Variants in YY1AP1 observed in about 807,000 individuals in gnomAD.
YY1AP1 encodes YY1-associated protein 1.
Under a neutral mutation model 39.9 loss-of-function variants are expected in YY1AP1, and 43 were observed. The observed-to-expected ratio is 1.08, with a 90% confidence interval of 0.84 to 1.39. The LOEUF is 1.39. Among genes scored for constraint, YY1AP1 ranks in the 40% most tolerant of loss-of-function variants. YY1AP1 has a pLI of 0.00. For missense variants in YY1AP1, 813 were observed against 900.7 expected (o/e 0.90, Z 1.25); for synonymous variants, 292 against 331.3 (o/e 0.88, Z 1.29).
In YY1AP1 at chr1:155,668,731, T is replaced by C; in HGVS notation, c.775A>G (p.Asn259Asp). Residue 259 changes from asparagine (N) to aspartate (D), a missense_variant, in exon 9 of 11, where the codon AAC (asparagine) becomes GAC (aspartate). Around this residue, in one of 3 missense-constraint regions of YY1AP1, gnomAD observed 586 missense variants for 647.4 expected, o/e 0.91. Transcript: ENST00000355499. ...AGAAGGTACTTGCTGATTAGAGGGT[T>C]AAGAAACTCAGTCCCTTCAAAATGC... is the stretch of plus-strand genomic sequence containing the variant. ...LKHFEGTEFL[N>D]PLISKYLLTC... The C allele has an allele frequency of 6.2e-7, 1 of 1,614,176 alleles. No homozygotes were observed. Among genetic ancestry groups the C allele is most frequent in the African/African-American group, 1.3e-5 (1 of 75,056 alleles).
In YY1AP1 at chr1:155,661,364, T is replaced by C. The variant is rs1343989647; in HGVS notation, c.939A>G (p.Pro313=). 6.2e-7 allele frequency: 1 copy of C among 1,613,884 alleles called. No individual in the cohort carries two copies. The highest frequency in any genetic ancestry group is 1.7e-5 in the Admixed American group (1 of 60,002). Residue 313 remains proline, a synonymous_variant, in exon 10 of 11, where the codon CCA becomes CCG. Coordinates refer to ENST00000355499, the MANE Select transcript of YY1AP1 (RefSeq NM_139119.3). ...VLGKCCEEIQ[P]HQWKPPIERE... Reference sequence around the variant, plus strand: ...TCTCTATAGGTGGCTTCCACTGATGTGGCTGGATCTCTTCACAGCATTTTC... The same window carrying C: ...TCTCTATAGGTGGCTTCCACTGATGCGGCTGGATCTCTTCACAGCATTTTC...
At chr1:155,673,217 T>C (rs920356821) in intron 6 of YY1AP1, among the ~76,000 whole-genome samples, 1 of 152,092 alleles carries the variant, frequency 6.6e-6, no homozygotes, top group Non-Finnish European at 1.5e-5. Context: ...CGTTTTCCCA[T>C]CTTGGCCAGG....
At chr1:155,665,784 CAAA>C (rs58155011) in intron 9 of YY1AP1, among the ~76,000 whole-genome samples, 2 of 35,050 alleles carry the variant, frequency 5.7e-5, no homozygotes, top group African/African-American at 8.0e-5. Context: ...CTCTGTGTCT[CAAA>C]AAAAAAAAAA....
chr1:155,682,230 T>C (rs185764086), intron 2 of YY1AP1, among the ~76,000 whole-genome samples: 99 of 152,284 alleles, frequency 6.5e-4, no homozygotes, highest in African/African-American at 2.3e-3. Flanking sequence ...AATCTTTGGC[T>C]ATCTCATTTT....
At chr1:155,667,018 A>G (rs1342369538) in intron 9 of YY1AP1, among the ~76,000 whole-genome samples, 1 of 151,912 alleles carries the variant, frequency 6.6e-6, no homozygotes, top group Non-Finnish European at 1.5e-5. Flanking sequence ...AAAATAAAAT[A>G]AATAAATAAA....
Position 155,688,732 on chromosome 1 carries a change from C to T in YY1AP1, c.-225G>A. On this transcript the variant is annotated 5_prime_UTR_variant, in exon 1 of 11. The change creates a new upstream start codon in the 5' untranslated region. Coordinates refer to ENST00000355499, the MANE Select transcript of YY1AP1 (RefSeq NM_139119.3). The stretch of plus-strand genomic sequence containing the variant: ...CCCTCCCTCCCCGCCCGCACGGCCA[C>T]CAACCGCCGCCAAAGCAGCCGCCGC... 6.6e-7 allele frequency: 1 copy of T among 1,518,330 alleles called. No individual in the cohort carries two copies. The highest frequency in any genetic ancestry group is 1.2e-5 in the South Asian group (1 of 81,816). The allele number at this position is 1,518,330 out of a possible 1,614,324, so 94.1% of individuals were successfully genotyped here.
chr1:155,682,398 AAT>A (rs1299036984), intron 2 of YY1AP1, among the ~76,000 whole-genome samples: 2 of 152,212 alleles, frequency 1.3e-5, no homozygotes, highest in Non-Finnish European at 2.9e-5. Context: ...GAAGATAAAA[AAT>A]AGACATTTTT....
chr1:155,668,551 T>C (rs1012090099), intron 9 of YY1AP1, 76 bp downstream of exon 9: 2 of 1,609,766 alleles, frequency 1.2e-6, no homozygotes, highest in Admixed American at 1.7e-5. Flanking sequence ...GTTCTTCTTT[T>C]CTTTGAGAAT....
chr1:155,664,648 C>A lies in YY1AP1; in HGVS notation c.880-3225G>T, dbSNP rs549279215. Among the ~76,000 whole-genome samples the A allele has an allele frequency of 4.0e-5, 6 of 151,798 alleles. No homozygotes were observed. The East Asian group carries it at 1.2e-3, about 29-fold the overall frequency. On this transcript the variant is annotated intron_variant, in intron 9 of 10. Transcript: ENST00000355499. Reference sequence around the variant, plus strand: ...GCTGAGGCAGGAGAATCGCTTGAACCCAGGAGGCAGAGGCTGCAGTGAGCA... The same window carrying A: ...GCTGAGGCAGGAGAATCGCTTGAACACAGGAGGCAGAGGCTGCAGTGAGCA...
At chr1:155,678,978 A>C (rs565418570) in intron 4 of YY1AP1, among the ~76,000 whole-genome samples, 104 of 152,316 alleles carry the variant, frequency 6.8e-4, no homozygotes, top group African/African-American at 2.5e-3. Context: ...CAGACTCCTT[A>C]CTGCAGGTGC....
intron 9 of YY1AP1, among the ~76,000 whole-genome samples, chr1:155,663,886 CAA>C (rs1229792155): frequency 6.6e-6 from 1 of 151,786 alleles, no homozygotes; most frequent in East Asian, 1.9e-4. Flanking sequence ...CACAAAGACT[CAA>C]GAGTTAAATG....
chr1:155,684,409 T>C (rs1651933235), intron 2 of YY1AP1, among the ~76,000 whole-genome samples: 1 of 152,126 alleles, frequency 6.6e-6, no homozygotes, highest in African/African-American at 2.4e-5. Context: ...CCGTTAAAAA[T>C]TAGAGAAAAT....
chr1:155,675,229 T>A (rs9700387), intron 5 of YY1AP1, 133 bp from the exon 6 acceptor site: 1 of 721,296 alleles, frequency 1.4e-6, no homozygotes, highest in East Asian at 3.0e-5. Context: ...GGTGCAACCA[T>A]GACTCAATGC....
At chr1:155,685,441 G>A (rs1423150698) in intron 2 of YY1AP1, among the ~76,000 whole-genome samples, 1 of 152,094 alleles carries the variant, frequency 6.6e-6, no homozygotes, top group African/African-American at 2.4e-5. Flanking sequence ...CTCCAAGACA[G>A]GAGCTTCAAA....
chr1:155,669,190 T>C (rs1377420767), intron 8 of YY1AP1, among the ~76,000 whole-genome samples: 1 of 152,222 alleles, frequency 6.6e-6, no homozygotes, highest in African/African-American at 2.4e-5. Flanking sequence ...TTTGCTACCA[T>C]GCCTAACTAA....
chr1:155,684,959 T>G (rs1285382816), intron 2 of YY1AP1, among the ~76,000 whole-genome samples: 2 of 152,180 alleles, frequency 1.3e-5, no homozygotes, highest in Non-Finnish European at 1.5e-5. Flanking sequence ...GTCTGTCAAA[T>G]AGCTACTGGA....
intron 6 of YY1AP1, 57 bp from the exon 7 acceptor site, chr1:155,672,788 A>C: frequency 6.2e-7 from 1 of 1,613,064 alleles, no homozygotes; most frequent in African/African-American, 1.3e-5. Flanking sequence ...TAATACCAAT[A>C]GCCTTCAGAA....
rs538467240 is a variant in YY1AP1, at chr1:155,667,577, A to T, written c.879+1050T>A. Among the ~76,000 whole-genome samples the T allele has an allele frequency of 2.6e-5, 4 of 152,226 alleles. No individual in the cohort carries two copies. The East Asian group carries it at 5.8e-4, about 22-fold the overall frequency. On this transcript the variant is annotated intron_variant, in intron 9 of 10. Transcript: ENST00000355499. Reference sequence around the variant, plus strand: ...AATGGCTCACATTTGTAATCCCAGCACTTAGGGAGGCCGAGGCAGATGGAT... The same window carrying T: ...AATGGCTCACATTTGTAATCCCAGCTCTTAGGGAGGCCGAGGCAGATGGAT...
At chr1:155,685,001 T>C (rs1652025007) in intron 2 of YY1AP1, among the ~76,000 whole-genome samples, 1 of 152,208 alleles carries the variant, frequency 6.6e-6, no homozygotes, top group Admixed American at 6.5e-5. Flanking sequence ...TACATGTATG[T>C]ATACCCAAAA....
Sources: allele counts gnomAD v4.1 joint callset (sites outside exome capture counted in the v4.1 genomes callset), GRCh38; gene constraint gnomAD v4.1.1; regional missense constraint gnomAD v4.1.1; transcripts MANE v1.5; gene names NCBI Gene and HGNC (gene_info 2026-07-23, HGNC 2026-07-21).